ESR1: variants seen among roughly 807,000 people sequenced by gnomAD.
ESR1 encodes estrogen receptor 1.
In ESR1, 12 loss-of-function variants were observed where a neutral mutation model predicts 52.7. The observed-to-expected ratio is 0.23, with a 90% CI of 0.15 to 0.37. ESR1 has a LOEUF of 0.37. Among genes scored for constraint, ESR1 ranks in the 10% least tolerant of loss-of-function variants. ESR1 has a pLI of 1.00. For missense variants in ESR1, 584 were observed against 779.7 expected (o/e 0.75, Z 2.99); for synonymous variants, 305 against 316.8 (o/e 0.96, Z 0.39).
At chr6:151,708,172 A>G (rs921252390) in intron 2 of ESR1, among the ~76,000 whole-genome samples, 5 of 152,098 alleles carry the variant, frequency 3.3e-5, no homozygotes, top group African/African-American at 1.2e-4. Flanking sequence ...TTATATACAT[A>G]ATATATGTGT....
chr6:151,879,197 T>C (rs947025318), intron 2 of ESR1, among the ~76,000 whole-genome samples: 4 of 152,142 alleles, frequency 2.6e-5, no homozygotes, highest in African/African-American at 9.7e-5. Context: ...TTTGGGATTA[T>C]GGAAGCCAAG....
intron 2 of ESR1, among the ~76,000 whole-genome samples, chr6:151,723,861 C>T (rs982915699): frequency 4.6e-5 from 7 of 152,114 alleles, no homozygotes; most frequent in African/African-American, 1.7e-4. Flanking sequence ...CAGAGCAAGA[C>T]TCCATCGTGG....
At chr6:151,712,321 C>T (rs1018681533) in intron 2 of ESR1, among the ~76,000 whole-genome samples, 44 of 152,178 alleles carry the variant, frequency 2.9e-4, no homozygotes, top group African/African-American at 9.6e-4. Flanking sequence ...CTTGGCTATA[C>T]GGGCTTTTTT....
At chr6:151,959,629 A>ATGG (rs967194112) in intron 4 of ESR1, among the ~76,000 whole-genome samples, 8 of 152,124 alleles carry the variant, frequency 5.3e-5, no homozygotes, top group African/African-American at 1.7e-4. Flanking sequence ...TTTCTGGAGC[A>ATGG]TGGGTGGTGA....
At chr6:152,026,643 C>T (rs1213598756) in intron 5 of ESR1, among the ~76,000 whole-genome samples, 1 of 151,434 alleles carries the variant, frequency 6.6e-6, no homozygotes, top group Non-Finnish European at 1.5e-5. Context: ...TCTTTATTTA[C>T]TATTTATTGA....
chr6:152,007,655 T>C (rs1042705936), intron 4 of ESR1, among the ~76,000 whole-genome samples: 1 of 152,134 alleles, frequency 6.6e-6, no homozygotes, highest in Admixed American at 6.6e-5. Context: ...CACTTAGTCT[T>C]ATCAAACTAT....
chr6:151,751,792 T>A (rs1783922262), intron 2 of ESR1, among the ~76,000 whole-genome samples: 1 of 152,224 alleles, frequency 6.6e-6, no homozygotes, highest in Non-Finnish European at 1.5e-5. Flanking sequence ...ACCAGCCAGT[T>A]GGTACAGCAC....
At chr6:151,853,138 C>T (rs548007182) in intron 2 of ESR1, among the ~76,000 whole-genome samples, 2 of 119,424 alleles carry the variant, frequency 1.7e-5, no homozygotes, top group East Asian at 5.7e-4. Context: ...CACCACTGCA[C>T]TCCAGCCTGG....
chr6:151,668,944 G>A (rs940401463), intron 1 of ESR1, among the ~76,000 whole-genome samples: 1 of 151,966 alleles, frequency 6.6e-6, no homozygotes, highest in Non-Finnish European at 1.5e-5. Context: ...TGGCATTTAT[G>A]AGAATAGTGA....
intron 4 of ESR1, among the ~76,000 whole-genome samples, chr6:151,961,523 A>G (rs757572794): frequency 1.3e-5 from 2 of 152,172 alleles, no homozygotes; most frequent in African/African-American, 4.8e-5. Context: ...GAGATGGGGA[A>G]TGGCTACTGG....
At chr6:152,065,913 T>C (rs2047930115) in intron 6 of ESR1, among the ~76,000 whole-genome samples, 1 of 152,184 alleles carries the variant, frequency 6.6e-6, no homozygotes, top group African/African-American at 2.4e-5. Flanking sequence ...TCAAAATTCA[T>C]AGACATTTAA....
intron 2 of ESR1, among the ~76,000 whole-genome samples, chr6:151,719,405 A>C (rs1484213872): frequency 6.6e-6 from 1 of 152,208 alleles, no homozygotes; most frequent in East Asian, 1.9e-4. Flanking sequence ...GAACCAGGAC[A>C]TGAAGGACAT....
At chr6:151,975,111 T>C (rs1385711573) in intron 4 of ESR1, among the ~76,000 whole-genome samples, 10 of 152,220 alleles carry the variant, frequency 6.6e-5, no homozygotes, top group Non-Finnish European at 2.9e-5. Context: ...TTGCTGAAGA[T>C]TGACCTGGCT....
At chr6:152,013,654 A>G (rs1316846714) in intron 5 of ESR1, among the ~76,000 whole-genome samples, 1 of 152,108 alleles carries the variant, frequency 6.6e-6, no homozygotes, top group African/African-American at 2.4e-5. Context: ...ATTGCCAGTG[A>G]GGTGATATGG....
chr6:152,038,694 C>A (rs374815507), intron 5 of ESR1, among the ~76,000 whole-genome samples: 1 of 151,862 alleles, frequency 6.6e-6, no homozygotes, highest in Non-Finnish European at 1.5e-5. Flanking sequence ...TGCAGTGGTG[C>A]GATATTGGCT....
At chr6:151,806,732 ATC>A (rs1417560215), upstream of ESR1, among the ~76,000 whole-genome samples, 1 of 152,008 alleles carries the variant, frequency 6.6e-6, no homozygotes, top group Admixed American at 6.6e-5. Context: ...CATTTTAAAA[ATC>A]TGTTAGCTGG....
chr6:151,756,633 C>T (rs984855761), intron 2 of ESR1, among the ~76,000 whole-genome samples: 4 of 152,146 alleles, frequency 2.6e-5, no homozygotes, highest in African/African-American at 4.8e-5. Flanking sequence ...CCGTACTGGC[C>T]GGTAGGTACT....
chr6:151,802,951 C>T (rs1777408087), upstream of ESR1, among the ~76,000 whole-genome samples: 1 of 150,926 alleles, frequency 6.6e-6, no homozygotes, highest in South Asian at 2.1e-4. Context: ...GAGATCACAC[C>T]AGTGTACTCC....
At chr6:151,806,530 G>GTATATGTA (rs1554259016), upstream of ESR1, among the ~76,000 whole-genome samples, 5 of 96,466 alleles carry the variant, frequency 5.2e-5, no homozygotes, top group Non-Finnish European at 1.1e-4. Flanking sequence ...TCCTTAATAT[G>GTATATGTA]TATATATATA....
Sources: allele counts gnomAD v4.1 joint callset (sites outside exome capture counted in the v4.1 genomes callset), GRCh38; gene constraint gnomAD v4.1.1; transcripts MANE v1.5; gene names NCBI Gene and HGNC (gene_info 2026-07-23, HGNC 2026-07-21).